The following MTCL1 variants were observed in gnomAD, a reference collection of about 807,000 sequenced individuals.
MTCL1 encodes the protein microtubule crosslinking factor 1.
Under a neutral mutation model 141.4 loss-of-function variants are expected in MTCL1, and 79 were observed. The ratio of observed to expected loss-of-function variants is 0.56; its 90% CI spans 0.47 to 0.67. The LOEUF (loss-of-function observed/expected upper bound fraction) is 0.67, where lower values mean the gene tolerates loss of function less well. MTCL1 is among the 30% of genes least tolerant of loss of function. The pLI, the probability that MTCL1 is intolerant of heterozygous loss-of-function variation, is 0.00. For missense variants in MTCL1, 2,177 were observed against 2,113.9 expected (o/e 1.03, Z -0.59); for synonymous variants, 914 against 875.8 (o/e 1.04, Z -0.77).
intron 13 of MTCL1, among the ~76,000 whole-genome samples, chr18:8,821,208 T>C (rs922870479): frequency 2.6e-5 from 4 of 152,212 alleles, no homozygotes; most frequent in Admixed American, 2.6e-4. Flanking sequence ...TGACAAAGTT[T>C]ATAGCCAGTT....
chr18:8,784,448 A>G, exon 6 of MTCL1: 1 of 1,532,910 alleles, frequency 6.5e-7, no homozygotes, highest in Non-Finnish European at 8.8e-7. Context: ...GGAGCTCCTG[A>G]AGGCCCGGGA....
At chr18:8,818,326 T>C (rs1327015500) in intron 12 of MTCL1, among the ~76,000 whole-genome samples, 1 of 151,934 alleles carries the variant, frequency 6.6e-6, no homozygotes. Context: ...GAAAAAAGTA[T>C]GACTCTAACG....
intron 2 of MTCL1, 26 bp from the exon 2 acceptor site, chr18:8,718,398 A>C: frequency 3.1e-6 from 5 of 1,608,522 alleles, no homozygotes; most frequent in Non-Finnish European, 4.3e-6. Context: ...CTTGGCTCAT[A>C]AATCTTCTCT....
intron 7 of MTCL1, chr18:8,787,370 T>C (rs111528276): frequency 5.9e-5 from 9 of 152,490 alleles, no homozygotes; most frequent in African/African-American, 2.2e-4. Context: ...GCCTGAGAAG[T>C]GAAGCGGCTT....
In MTCL1 at chr18:8,798,298, A is replaced by T; in HGVS notation, c.2436+7A>T. 6.6e-7 allele frequency: 1 copy of T among 1,510,742 alleles called. No individual in the cohort carries two copies. Among genetic ancestry groups the T allele is most frequent in the Non-Finnish European group, 8.8e-7 (1 of 1,130,150 alleles). The allele number at this position is 1,510,742 out of a possible 1,614,324, so 93.6% of individuals were successfully genotyped here. ...GGGACAGCCCCACAAACAGGTGGGTACCTCGACCCGAGCCTGTCGCCCTGC... is the reference window on the plus strand; with the variant it reads ...GGGACAGCCCCACAAACAGGTGGGTTCCTCGACCCGAGCCTGTCGCCCTGC... On this transcript the variant is annotated splice_region_variant and intron_variant, in intron 10 of 16. Coordinates refer to ENST00000359865, the Ensembl canonical transcript of MTCL1.
chr18:8,728,951 G>A (rs1031529021), intron 4 of MTCL1, among the ~76,000 whole-genome samples: 2 of 151,794 alleles, frequency 1.3e-5, no homozygotes, highest in Admixed American at 6.6e-5. Context: ...GGCCAGGCTG[G>A]TCTCAAACTC....
At chr18:8,750,111 G>T (rs111826375) in intron 4 of MTCL1, among the ~76,000 whole-genome samples, 7,835 of 151,726 alleles carry the variant, frequency 0.052, 377 homozygotes, top group African/African-American at 0.12. Flanking sequence ...TGGTGTGATC[G>T]CGGCTCACTG....
At chr18:8,766,669 C>T (rs1263398809) in intron 4 of MTCL1, among the ~76,000 whole-genome samples, 1 of 152,222 alleles carries the variant, frequency 6.6e-6, no homozygotes, top group Non-Finnish European at 1.5e-5. Flanking sequence ...GTTTTCATCA[C>T]ATGAAACCAT....
intron 4 of MTCL1, among the ~76,000 whole-genome samples, chr18:8,768,742 C>T (rs1004117603): frequency 1.3e-5 from 2 of 151,176 alleles, no homozygotes; most frequent in Admixed American, 1.3e-4. Context: ...TGGTAGATTT[C>T]CTTCCATTAG....
At position 8,821,085 on chromosome 18, in the gene MTCL1, T is replaced by A. The variant is rs72938187; in HGVS notation, c.3157-382T>A. Among the ~76,000 whole-genome samples the A allele has an allele frequency of 2.1e-3, 318 of 149,820 alleles. 1 individual carries two copies. The highest frequency in any genetic ancestry group is 3.3e-3 in the East Asian group (17 of 5,124). On this transcript the variant is annotated intron_variant, in intron 13 of 16. Coordinates refer to ENST00000359865, the Ensembl canonical transcript of MTCL1. ...TCTCTCTAACATAACACATGCACACTCTCTCTCTCTCTCTCAGTCTCACTC... is the reference window on the plus strand; with the variant it reads ...TCTCTCTAACATAACACATGCACACACTCTCTCTCTCTCTCAGTCTCACTC...
At chr18:8,801,285 C>T (rs2076112918) in intron 10 of MTCL1, among the ~76,000 whole-genome samples, 1 of 151,388 alleles carries the variant, frequency 6.6e-6, no homozygotes, top group Non-Finnish European at 1.5e-5. Context: ...CAGAGGAGGC[C>T]TCACATCAGA....
rs757856565 is a variant in MTCL1 at position 8,806,980 on chromosome 18, C to G, written c.2524C>G (p.Leu842Val). 8 of 1,613,786 alleles carry G rather than the reference C, an allele frequency of 5.0e-6. No homozygotes were observed. The South Asian group carries it at 8.8e-5, about 18-fold the overall frequency. The change falls in exon 11 of 17, where the codon CTA (leucine) becomes GTA (valine). Residue 842 changes from leucine to valine, a missense_variant. Coordinates refer to ENST00000359865, the Ensembl canonical transcript of MTCL1. ...GCTGCGGGAGGATGAGCGTGCCCGA[C>G]TACGGCTGCAGCAGCAATATGCCAG...
chr18:8,825,586 C>A lies in MTCL1; in HGVS notation c.4076C>A (p.Ser1359Ter). ...GCTGGGGGCGGTGCTACACCCGTGT[C>A]GTCTCCTTCCCGGAGCCTTAGGAGC... The change falls in exon 15 of 17, where the codon TCG (serine) becomes TAG (stop). Residue 1359 changes from serine (S) to a stop codon, truncating the protein, a stop_gained. Transcript: ENST00000359865. LOFTEE classifies it high-confidence loss of function. The A allele has an allele frequency of 5.6e-6, 9 of 1,613,568 alleles. No homozygotes were observed. Among genetic ancestry groups the A allele is most frequent in the Non-Finnish European group, 7.6e-6 (9 of 1,179,886 alleles).
At chr18:8,763,591 C>T (rs1341606270) in intron 4 of MTCL1, among the ~76,000 whole-genome samples, 1 of 152,194 alleles carries the variant, frequency 6.6e-6, no homozygotes, top group African/African-American at 2.4e-5. Flanking sequence ...TTTTATTTCC[C>T]TTTCCTTTGC....
intron 4 of MTCL1, among the ~76,000 whole-genome samples, chr18:8,733,222 GTGTTTGATCTTC>G (rs2096260157): frequency 1.3e-5 from 2 of 152,230 alleles, no homozygotes; most frequent in African/African-American, 4.8e-5. Flanking sequence ...AGGCCGGGGA[GTGTTTGATCTTC>G]TGTGTTTATT....
chr18:8,775,030 A>G (rs1568009143), intron 4 of MTCL1, among the ~76,000 whole-genome samples: 1 of 152,146 alleles, frequency 6.6e-6, no homozygotes, highest in Non-Finnish European at 1.5e-5. Flanking sequence ...TCTAGCCACC[A>G]GCCTCATTTG....
At chr18:8,804,253 ATT>A (rs576046249) in intron 10 of MTCL1, among the ~76,000 whole-genome samples, 2,648 of 135,846 alleles carry the variant, frequency 0.019, 70 homozygotes, top group African/African-American at 0.067. Context: ...TAATTTTTAG[ATT>A]TTTTTTTTTT....
chr18:8,763,121 C>A, intron 4 of MTCL1, among the ~76,000 whole-genome samples: 1 of 152,220 alleles, frequency 6.6e-6, no homozygotes, highest in East Asian at 1.9e-4. Flanking sequence ...GATAACATGT[C>A]CCATGTCTGT....
intron 4 of MTCL1, among the ~76,000 whole-genome samples, chr18:8,764,664 C>T (rs2096450980): frequency 6.6e-6 from 1 of 152,132 alleles, no homozygotes; most frequent in Admixed American, 6.6e-5. Flanking sequence ...AGACCACAGG[C>T]TGGCTCGATA....
Sources: gnomAD v4.1 joint callset for allele counts (sites outside exome capture counted in the v4.1 genomes callset) on GRCh38, gnomAD v4.1.1 for gene constraint, MANE v1.5 for transcripts, NCBI Gene and HGNC (gene_info 2026-07-23, HGNC 2026-07-21) for gene names.